The following MYRIP variants were observed in gnomAD, a reference collection of about 807,000 sequenced individuals.
The protein encoded by MYRIP is rab effector MyRIP.
In MYRIP, 49 loss-of-function variants were observed where a neutral mutation model predicts 98.0. That is an observed-to-expected ratio of 0.50 (90% CI 0.40 to 0.63). The LOEUF (loss-of-function observed/expected upper bound fraction) is 0.63, where lower values mean the gene tolerates loss of function less well. Ranked by LOEUF, MYRIP falls within the 30% of genes least tolerant of loss-of-function variation. The pLI is 0.00. For missense variants in MYRIP, 1,004 were observed against 1,058.2 expected (o/e 0.95, Z 0.71); for synonymous variants, 404 against 409.5 (o/e 0.99, Z 0.16).
chr3:39,820,811 G>T (rs1265583824), intron 1 of MYRIP, among the ~76,000 whole-genome samples: 1 of 152,136 alleles, frequency 6.6e-6, no homozygotes, highest in Non-Finnish European at 1.5e-5. Flanking sequence ...TGCAGATCTT[G>T]CAGTCTGGCA....
intron 12 of MYRIP, among the ~76,000 whole-genome samples, chr3:40,240,463 G>A (rs1048527116): frequency 7.9e-5 from 12 of 152,218 alleles, no homozygotes; most frequent in Non-Finnish European, 1.2e-4. Context: ...AGCAGGGCGA[G>A]GCATTGCCTC....
chr3:39,968,324 C>T (rs1404612298), intron 2 of MYRIP, among the ~76,000 whole-genome samples: 2 of 152,002 alleles, frequency 1.3e-5, no homozygotes, highest in Admixed American at 1.3e-4. Flanking sequence ...AGGCACGTGC[C>T]ACCATACCAG....
At chr3:40,243,979 CA>C (rs575588234) in intron 12 of MYRIP, among the ~76,000 whole-genome samples, 39 of 152,264 alleles carry the variant, frequency 2.6e-4, no homozygotes, top group Admixed American at 1.4e-3. Context: ...GCTAATTAAT[CA>C]GAGAGAATTC....
chr3:39,850,219 T>C (rs1358775259), intron 1 of MYRIP, among the ~76,000 whole-genome samples: 2 of 152,232 alleles, frequency 1.3e-5, no homozygotes, highest in African/African-American at 4.8e-5. Context: ...CTATCAGGTT[T>C]CTACCAAGCA....
intron 1 of MYRIP, among the ~76,000 whole-genome samples, chr3:39,855,443 T>C (rs982819272): frequency 6.6e-6 from 1 of 152,036 alleles, no homozygotes; most frequent in East Asian, 1.9e-4. Context: ...GGTAGGGAAA[T>C]ACATCAGGCA....
chr3:40,045,100 G>A (rs901076239), intron 3 of MYRIP, among the ~76,000 whole-genome samples: 1 of 152,070 alleles, frequency 6.6e-6, no homozygotes, highest in Non-Finnish European at 1.5e-5. Context: ...CAGGTCCTGG[G>A]AGCACACACT....
intron 4 of MYRIP, among the ~76,000 whole-genome samples, chr3:40,161,669 G>A (rs776495186): frequency 3.3e-5 from 5 of 152,000 alleles, no homozygotes; most frequent in Middle Eastern, 3.2e-3. Flanking sequence ...ACCCCTCCTC[G>A]ACTGCATTTT....
At chr3:39,984,977 G>A (rs1267092510) in intron 2 of MYRIP, among the ~76,000 whole-genome samples, 24 of 150,590 alleles carry the variant, frequency 1.6e-4, no homozygotes, top group Admixed American at 3.3e-4. Context: ...CTGATGGCCA[G>A]TGATGATGAG....
At chr3:39,932,334 C>G (rs887652786) in intron 2 of MYRIP, among the ~76,000 whole-genome samples, 1 of 152,032 alleles carries the variant, frequency 6.6e-6, no homozygotes, top group African/African-American at 2.4e-5. Flanking sequence ...AAACTGCTCA[C>G]TCTATCAGTC....
chr3:39,856,738 C>A (rs957278977), intron 1 of MYRIP, among the ~76,000 whole-genome samples: 1 of 152,174 alleles, frequency 6.6e-6, no homozygotes, highest in Non-Finnish European at 1.5e-5. Flanking sequence ...GTCCATCCAT[C>A]TGATGGCCCC....
chr3:40,113,292 C>T (rs1434454961), intron 3 of MYRIP, among the ~76,000 whole-genome samples: 5 of 151,996 alleles, frequency 3.3e-5, no homozygotes, highest in South Asian at 2.1e-4. Context: ...TACAGGCACC[C>T]GCCACCACAC....
chr3:39,929,499 C>CAAT (rs1944492118), intron 2 of MYRIP, among the ~76,000 whole-genome samples: 1 of 152,066 alleles, frequency 6.6e-6, no homozygotes, highest in Non-Finnish European at 1.5e-5. Flanking sequence ...CTACAGTAAT[C>CAAT]ACAACTGTGG....
At chr3:40,168,051 C>G (rs1199247300) in intron 7 of MYRIP, among the ~76,000 whole-genome samples, 3 of 152,208 alleles carry the variant, frequency 2.0e-5, no homozygotes, top group Non-Finnish European at 4.4e-5. Flanking sequence ...TGAATGCACT[C>G]TCTAGTCTTT....
chr3:39,862,940 A>G (rs1942515231), intron 1 of MYRIP, among the ~76,000 whole-genome samples: 1 of 152,186 alleles, frequency 6.6e-6, no homozygotes, highest in Non-Finnish European at 1.5e-5. Context: ...AATTATACCA[A>G]TCATATTCTT....
At chr3:40,113,434 C>A (rs558383541) in intron 3 of MYRIP, among the ~76,000 whole-genome samples, 1 of 152,248 alleles carries the variant, frequency 6.6e-6, no homozygotes, top group Admixed American at 6.5e-5. Flanking sequence ...CATGAGCCAC[C>A]ATGCCCAGCC....
At chr3:40,221,140 T>C (rs1195707716) in intron 11 of MYRIP, among the ~76,000 whole-genome samples, 2 of 150,950 alleles carry the variant, frequency 1.3e-5, no homozygotes, top group African/African-American at 4.9e-5. Flanking sequence ...TTATTTAATA[T>C]AACACCTTGC....
chr3:40,118,206 A>C (rs906097589), intron 3 of MYRIP, among the ~76,000 whole-genome samples: 1 of 142,532 alleles, frequency 7.0e-6, no homozygotes, highest in Admixed American at 7.5e-5. Flanking sequence ...AAGGTCAAAA[A>C]ACTTGATAAC....
chr3:40,242,921 C>A (rs1953070233), intron 12 of MYRIP, among the ~76,000 whole-genome samples: 1 of 150,816 alleles, frequency 6.6e-6, no homozygotes, highest in African/African-American at 2.4e-5. Flanking sequence ...TGAATAATTT[C>A]TTCACTCAAA....
intron 3 of MYRIP, among the ~76,000 whole-genome samples, chr3:40,064,684 G>A (rs1278802144): frequency 2.0e-5 from 3 of 152,300 alleles, no homozygotes. Context: ...TCTGTCCCTT[G>A]AGCTGATGAT....
Sources: allele counts gnomAD v4.1 joint callset (sites outside exome capture counted in the v4.1 genomes callset), GRCh38; gene constraint gnomAD v4.1.1; transcripts MANE v1.5; gene names NCBI Gene and HGNC (gene_info 2026-07-23, HGNC 2026-07-21).